PCSK7: variants seen among roughly 807,000 people sequenced by gnomAD.
The protein encoded by PCSK7 is proprotein convertase subtilisin/kexin type 7, also known as lymphoma proprotein convertase.
In PCSK7, 38 loss-of-function variants were observed where a neutral mutation model predicts 73.3. The ratio of observed to expected loss-of-function variants is 0.52; its 90% CI spans 0.40 to 0.68. The LOEUF (loss-of-function observed/expected upper bound fraction) is 0.68, where lower values mean the gene tolerates loss of function less well. Among genes scored for constraint, PCSK7 ranks in the 30% least tolerant of loss-of-function variants. The probability of loss-of-function intolerance (pLI) is 0.00; values close to 1 mark genes in which losing one functional copy is unlikely to be tolerated. For missense variants in PCSK7, 692 were observed against 991.5 expected, an observed-to-expected ratio of 0.70 and a Z score of 4.06; for synonymous variants, 296 against 383.8, an observed-to-expected ratio of 0.77 and a Z score of 2.68.
chr11:117,225,675 T>G, intron 6 of PCSK7: 1 of 523,186 alleles, frequency 1.9e-6, no homozygotes, highest in Non-Finnish European at 3.5e-6. Flanking sequence ...GCAGAGGCCT[T>G]AGGAGTTTAG....
At chr11:117,231,759 C>G (rs768231169) in intron 1 of PCSK7, 6 of 152,398 alleles carry the variant, frequency 3.9e-5, no homozygotes, top group Non-Finnish European at 8.8e-5. Context: ...CTGTTCCACA[C>G]CCGGCTCCTA....
Position 117,205,902 on chromosome 11 carries a change from C to G in PCSK7, c.*95G>C. 7.0e-6 allele frequency: 4 copies of G among 571,722 alleles called. No homozygotes were observed. The highest frequency in any genetic ancestry group is 5.8e-5 in the East Asian group (2 of 34,444). 35.4% of individuals were successfully genotyped at this position (571,722 alleles called of 1,614,324 possible). On this transcript the variant is annotated 3_prime_UTR_variant, in exon 17 of 17. Transcript: ENST00000320934. ...CTCTTTGAGTGGAGTCAGAGGATGC[C>G]TCAGATTCCAGATGTAAGCATCAGA... is the stretch of plus-strand genomic sequence containing the variant.
intron 5 of PCSK7, chr11:117,226,737 C>G (rs567327778): frequency 5.9e-6 from 1 of 168,594 alleles, no homozygotes; most frequent in African/African-American, 2.4e-5. Flanking sequence ...GATGGACAGA[C>G]GTTGAGTGTG....
chr11:117,224,392 C>T (rs377246346), intron 7 of PCSK7, among the ~76,000 whole-genome samples, 176 bp from the exon 8 acceptor site: 5 of 152,224 alleles, frequency 3.3e-5, no homozygotes, highest in Admixed American at 1.3e-4. Context: ...TGTGAGTTGA[C>T]CCAGGATGTG....
rs763049368 is a variant in PCSK7 at position 117,227,175 on chromosome 11, A to G, written c.751T>C (p.Tyr251His). ...AAGTTACCTGCGATGCGGCTCCCGTAGGCCACGCCCACGGCACAGAAGCTG... is the reference window on the plus strand; with the variant it reads ...AAGTTACCTGCGATGCGGCTCCCGTGGGCCACGCCCACGGCACAGAAGCTG... ...NNSFCAVGVA[Y>H]GSRIAGIRVL... The change falls in exon 5 of 17, where the codon TAC becomes CAC. Residue 251 changes from tyrosine (Y) to histidine (H), a missense_variant. Physicochemically the swap from Tyr to His is moderately conservative, Grantham distance 83. Transcript: ENST00000320934. 1.2e-6 allele frequency: 2 copies of G among 1,607,150 alleles called. No homozygotes were observed. Among genetic ancestry groups the G allele is most frequent in the Non-Finnish European group, 1.7e-6 (2 of 1,176,360 alleles).
chr11:117,227,477 C>T (rs1028711416), intron 4 of PCSK7, among the ~76,000 whole-genome samples, 155 bp from the exon 5 acceptor site: 11 of 152,220 alleles, frequency 7.2e-5, no homozygotes, highest in Non-Finnish European at 1.5e-4. Context: ...GAGTCTCACT[C>T]TGTTGCCCAG....
At chr11:117,212,447 C>T in intron 12 of PCSK7, 1 of 142,734 alleles carries the variant, frequency 7.0e-6, no homozygotes, top group East Asian at 2.1e-4. Flanking sequence ...GCTCTGTTGC[C>T]TAGGCTGGAG....
At position 117,223,278 on chromosome 11, in the gene PCSK7, A is replaced by G; in HGVS notation, c.1085T>C (p.Phe362Ser). The change falls in exon 9 of 17, where the codon TTC becomes TCC. Residue 362 changes from phenylalanine (F) to serine (S), a missense_variant. By Grantham distance (155) the Phe-to-Ser change is radical. This residue lies in a region of PCSK7 where 574 missense variants were observed against 689.8 expected (regional missense o/e 0.83). Coordinates refer to ENST00000320934, the MANE Select transcript of PCSK7 (RefSeq NM_004716.4). ...GAVDEEGRMP[F>S]YAEECASMLA... ...CATGGAGGCACATTCTTCTGCATAG[A>G]AAGGCATGCGTCCCTCCTCATCCAC... 1 of 1,613,114 alleles carries G rather than the reference A, an allele frequency of 6.2e-7. No homozygotes were observed. The highest frequency in any genetic ancestry group is 8.5e-7 in the Non-Finnish European group (1 of 1,179,088).
At chr11:117,229,250 C>T in intron 3 of PCSK7, 127 bp downstream of exon 3, 2 of 778,024 alleles carry the variant, frequency 2.6e-6, no homozygotes, top group South Asian at 3.3e-5. Context: ...GGAAACACCA[C>T]AGAACCGGGA....
rs1416468691 is a variant in PCSK7, at chr11:117,228,245, G to A, written c.574C>T (p.His192Tyr). 3 of 1,613,332 alleles carry A rather than the reference G, an allele frequency of 1.9e-6. No individual in the cohort carries two copies. The highest frequency in any genetic ancestry group is 2.5e-6 in the Non-Finnish European group (3 of 1,179,650). ...TVVVVDDGVE[H>Y]TIQDIAPNYS... Reference sequence around the variant, plus strand: ...TTGGGTGCAATGTCCTGGATGGTGTGTTCCACTCCGTCATCCACTACCACC... The same window carrying A: ...TTGGGTGCAATGTCCTGGATGGTGTATTCCACTCCGTCATCCACTACCACC... Residue 192 changes from histidine to tyrosine, a missense_variant, in exon 4 of 17, where the codon CAC (histidine) becomes TAC (tyrosine). Around this residue, in one of 6 missense-constraint regions of PCSK7, gnomAD observed 574 missense variants for 689.8 expected, o/e 0.83. Transcript: ENST00000320934.
chr11:117,214,333 T>A (rs1010179189), intron 12 of PCSK7: 14 of 152,178 alleles, frequency 9.2e-5, no homozygotes, highest in African/African-American at 3.4e-4. Flanking sequence ...ATAAGAGATT[T>A]AGGTCGAGGA....
intron 12 of PCSK7, chr11:117,211,854 T>A (rs1289859804): frequency 1.3e-5 from 2 of 152,272 alleles, no homozygotes; most frequent in African/African-American, 2.4e-5. Context: ...TGAGAACTGT[T>A]TCCTCATCTG....
intron 3 of PCSK7, among the ~76,000 whole-genome samples, chr11:117,228,784 C>T (rs1482002251): frequency 1.3e-5 from 2 of 151,968 alleles, no homozygotes; most frequent in East Asian, 3.9e-4. Flanking sequence ...CCACGCCTGG[C>T]TAATTTTTTG....
chr11:117,206,078 G>A lies in PCSK7; in HGVS notation c.2277C>T (p.Ser759=), dbSNP rs2031357049. The A allele has an allele frequency of 9.2e-6, 14 of 1,525,102 alleles. No homozygotes were observed. In the South Asian group the frequency reaches 1.5e-4, roughly 16 times the overall value. 94.5% of individuals were successfully genotyped at this position (1,525,102 alleles called of 1,614,324 possible). A position where few individuals can be genotyped will look rare whatever the true frequency, so the allele number is the denominator to read the frequency against. The change falls in exon 17 of 17, where the codon AGC becomes AGT. Residue 759 remains serine, a synonymous_variant. Coordinates refer to ENST00000320934, the MANE Select transcript of PCSK7 (RefSeq NM_004716.4). ...APDLLEQGDW[S]LSQNKSALDC... Reference sequence around the variant, plus strand: ...CCAGGGCGCTCTTGTTCTGGGACAGGCTCCAGTCCCCTTGCTCCAGCAGGT... The same window carrying A: ...CCAGGGCGCTCTTGTTCTGGGACAGACTCCAGTCCCCTTGCTCCAGCAGGT...
chr11:117,215,065 C>CA (rs1436349852), intron 12 of PCSK7: 1 of 152,194 alleles, frequency 6.6e-6, no homozygotes, highest in African/African-American at 2.4e-5. Flanking sequence ...AACCTCCTGT[C>CA]AGCGGGGAGA....
At chr11:117,220,048 CCTTT>C in intron 9 of PCSK7, 1 of 239,084 alleles carries the variant, frequency 4.2e-6, no homozygotes, top group Non-Finnish European at 7.9e-6. Context: ...GTGGACCCTT[CCTTT>C]GTTAGAGCTG....
intron 12 of PCSK7, chr11:117,209,474 T>C: frequency 1.6e-5 from 3 of 193,242 alleles, no homozygotes; most frequent in Non-Finnish European, 3.1e-5. Context: ...GAGAAATAAG[T>C]CAGATGGGTT....
At chr11:117,220,318 C>T (rs1381627522) in intron 9 of PCSK7, 1 of 152,638 alleles carries the variant, frequency 6.6e-6, no homozygotes, top group East Asian at 1.9e-4. Flanking sequence ...TCATAGCTCA[C>T]CACAGCCTCG....
rs140217609 is a variant in PCSK7, at chr11:117,206,234, G to A, written c.2121C>T (p.Pro707=). ...CCTCCTTGGCTTTCCGGCTCCGATG[G>A]GGCCAGTGGCAGGGTCCACTCCTAC... The part of the protein sequence containing the change: ...QVCRSGPCHW[P]HRSRKAKEEG... Residue 707 remains proline (P), a synonymous_variant, in exon 17 of 17, where the codon CCC becomes CCT. Coordinates refer to ENST00000320934, the MANE Select transcript of PCSK7 (RefSeq NM_004716.4). The A allele has an allele frequency of 1.2e-4, 201 of 1,614,136 alleles. No individual in the cohort carries two copies. The highest frequency in any genetic ancestry group is 8.3e-4 in the Middle Eastern group (5 of 6,060).
Sources: allele counts gnomAD v4.1 joint callset (sites outside exome capture counted in the v4.1 genomes callset), GRCh38; gene constraint gnomAD v4.1.1; regional missense constraint gnomAD v4.1.1; transcripts MANE v1.5; gene names NCBI Gene and HGNC (gene_info 2026-07-23, HGNC 2026-07-21).